The following KIAA0825 variants were observed in gnomAD, a reference collection of about 807,000 sequenced individuals.
KIAA0825 encodes the protein uncharacterized protein KIAA0825.
KIAA0825 carries 119 observed loss-of-function variants against 147.6 expected under a neutral mutation model. The ratio of observed to expected loss-of-function variants is 0.81; its 90% CI spans 0.69 to 0.94. The LOEUF (loss-of-function observed/expected upper bound fraction) is 0.94. KIAA0825 is among the 40% of genes least tolerant of loss of function. The pLI is 0.00. For synonymous variants in KIAA0825, 470 were observed against 518.1 expected (o/e 0.91, Z 1.26); for missense variants, 1,381 against 1,472.7 (o/e 0.94, Z 1.02).
chr5:94,290,525 A>G (rs759334212), intron 20 of KIAA0825, among the ~76,000 whole-genome samples: 10 of 152,152 alleles, frequency 6.6e-5, no homozygotes, highest in South Asian at 2.1e-4. Flanking sequence ...TCTTTATCCA[A>G]TCTATCACTG....
intron 5 of KIAA0825, among the ~76,000 whole-genome samples, chr5:94,507,888 T>C (rs1032744043): frequency 1.4e-4 from 21 of 152,220 alleles, no homozygotes; most frequent in African/African-American, 5.1e-4. Flanking sequence ...CATGAAGAGA[T>C]GCATCCATAA....
chr5:94,382,513 T>G (rs1428064082), intron 20 of KIAA0825, among the ~76,000 whole-genome samples: 2 of 152,206 alleles, frequency 1.3e-5, no homozygotes, highest in Non-Finnish European at 2.9e-5. Context: ...GGTGGATCAA[T>G]TAGGTTCATC....
chr5:94,378,991 A>T (rs981228367), intron 20 of KIAA0825, among the ~76,000 whole-genome samples: 12 of 152,204 alleles, frequency 7.9e-5, no homozygotes, highest in Admixed American at 2.6e-4. Flanking sequence ...TTCCTTTTAG[A>T]TGGTGGATAT....
chr5:94,451,085 G>T (rs1468630278), intron 13 of KIAA0825, among the ~76,000 whole-genome samples: 1 of 152,164 alleles, frequency 6.6e-6, no homozygotes, highest in African/African-American at 2.4e-5. Context: ...TGTATGTAAA[G>T]CACTTAGCAT....
intron 20 of KIAA0825, among the ~76,000 whole-genome samples, chr5:94,296,588 T>G (rs182742341): frequency 1.3e-5 from 2 of 152,258 alleles, no homozygotes; most frequent in African/African-American, 4.8e-5. Context: ...GGGAAAAGCA[T>G]AGTATCTGGG....
At chr5:94,423,427 C>T (rs2150744371) in intron 14 of KIAA0825, among the ~76,000 whole-genome samples, 1 of 152,246 alleles carries the variant, frequency 6.6e-6, no homozygotes, top group South Asian at 2.1e-4. Context: ...TCAAGAATTT[C>T]AACTTGTTAG....
intron 20 of KIAA0825, among the ~76,000 whole-genome samples, chr5:94,328,349 G>A (rs2150276942): frequency 6.6e-6 from 1 of 152,126 alleles, no homozygotes; most frequent in East Asian, 1.9e-4. Flanking sequence ...CTGCTCTTAT[G>A]GTGGCAATAA....
chr5:94,259,688 A>C (rs1214899589), intron 20 of KIAA0825, among the ~76,000 whole-genome samples: 2 of 152,012 alleles, frequency 1.3e-5, no homozygotes, highest in East Asian at 3.9e-4. Flanking sequence ...TATGACCTCA[A>C]GCCTTGGGAA....
At chr5:94,222,719 T>C (rs1415479731) in intron 20 of KIAA0825, among the ~76,000 whole-genome samples, 1 of 152,204 alleles carries the variant, frequency 6.6e-6, no homozygotes, top group Non-Finnish European at 1.5e-5. Context: ...TTTGAATTTA[T>C]TTTTATATAT....
chr5:94,213,137 CTT>C (rs900563081), intron 20 of KIAA0825, among the ~76,000 whole-genome samples: 3 of 152,028 alleles, frequency 2.0e-5, no homozygotes, highest in Non-Finnish European at 4.4e-5. Context: ...TTGTTTGACT[CTT>C]GGGTGTTTCA....
intron 20 of KIAA0825, among the ~76,000 whole-genome samples, chr5:94,321,409 A>G (rs533289455): frequency 6.6e-6 from 1 of 152,138 alleles, no homozygotes; most frequent in East Asian, 1.9e-4. Context: ...GAAGTTTTTT[A>G]TTTGATAAAC....
chr5:94,318,701 C>T (rs528067975), intron 20 of KIAA0825, among the ~76,000 whole-genome samples: 4 of 151,906 alleles, frequency 2.6e-5, no homozygotes, highest in Admixed American at 2.0e-4. Flanking sequence ...AAGGCTAATA[C>T]TAAATTTGCT....
chr5:94,436,216 T>C, intron 14 of KIAA0825, among the ~76,000 whole-genome samples: 1 of 152,312 alleles, frequency 6.6e-6, no homozygotes, highest in Non-Finnish European at 1.5e-5. Flanking sequence ...TATGCTTGAA[T>C]GGTATTGCCT....
intron 20 of KIAA0825, among the ~76,000 whole-genome samples, chr5:94,303,990 A>G (rs76551332): frequency 0.2 from 31,167 of 152,076 alleles, 3,631 homozygotes; most frequent in Non-Finnish European, 0.25. Flanking sequence ...ACTGCATTCA[A>G]TATTAGATCA....
At chr5:94,604,826 A>G (rs766318338) in intron 1 of KIAA0825, among the ~76,000 whole-genome samples, 2 of 152,158 alleles carry the variant, frequency 1.3e-5, no homozygotes, top group African/African-American at 2.4e-5. Flanking sequence ...CTAACATTAC[A>G]ATTAAAAGAA....
chr5:94,434,871 C>T (rs908295861), intron 14 of KIAA0825, among the ~76,000 whole-genome samples: 21 of 152,290 alleles, frequency 1.4e-4, no homozygotes, highest in African/African-American at 4.6e-4. Flanking sequence ...AAGGTTCAAC[C>T]TCTCAACATT....
chr5:94,190,195 T>C (rs1214286842), intron 20 of KIAA0825, among the ~76,000 whole-genome samples: 1 of 152,244 alleles, frequency 6.6e-6, no homozygotes, highest in Non-Finnish European at 1.5e-5. Flanking sequence ...TATGATTTTC[T>C]ACCTAGCCGA....
Position 94,520,260 on chromosome 5 carries a change from C to G in KIAA0825, c.958G>C (p.Val320Leu), listed in dbSNP as rs775605893. ...SKSSSKHRGA[V>L]HALVTTECPQ... ...AAATGTCACTAACCCAAAGCATGCA[C>G]TGCTCCTCTATGCTTGCTGGAGCTC... Residue 320 changes from valine (V) to leucine (L), a missense_variant, in exon 5 of 21, where the codon GTG (valine) becomes CTG (leucine). Transcript: ENST00000682413. The G allele has an allele frequency of 6.2e-7, 1 of 1,608,142 alleles. No individual in the cohort carries two copies. The highest frequency in any genetic ancestry group is 8.5e-7 in the Non-Finnish European group (1 of 1,177,340).
chr5:94,196,907 T>C (rs780090725), intron 20 of KIAA0825, among the ~76,000 whole-genome samples: 8 of 152,228 alleles, frequency 5.3e-5, no homozygotes, highest in Non-Finnish European at 1.2e-4. Flanking sequence ...TTTGCTATTG[T>C]GAATAGTGTG....
Sources: allele counts gnomAD v4.1 joint callset (sites outside exome capture counted in the v4.1 genomes callset), GRCh38; gene constraint gnomAD v4.1.1; transcripts MANE v1.5; gene names NCBI Gene and HGNC (gene_info 2026-07-23, HGNC 2026-07-21).